Variants in HDAC9 observed in about 807,000 individuals in gnomAD.
HDAC9 encodes the protein MEF-2 interacting transcription repressor (MITR) protein.
Under a neutral mutation model 139.4 loss-of-function variants are expected in HDAC9, and 41 were observed. The ratio of observed to expected loss-of-function variants is 0.29; its 90% CI spans 0.23 to 0.38. HDAC9 has a LOEUF of 0.38. Ranked by LOEUF, HDAC9 falls within the 10% of genes least tolerant of loss-of-function variation. The pLI, the probability that HDAC9 is intolerant of heterozygous loss-of-function variation, is 1.00. For missense variants in HDAC9, 1,147 were observed against 1,297.0 expected, an observed-to-expected ratio of 0.88 and a Z score of 1.78; for synonymous variants, 517 against 476.2, an observed-to-expected ratio of 1.09 and a Z score of -1.12.
At chr7:18,433,212 C>A (rs1460949266) in intron 1 of HDAC9, among the ~76,000 whole-genome samples, 1 of 151,968 alleles carries the variant, frequency 6.6e-6, no homozygotes, top group Non-Finnish European at 1.5e-5. Flanking sequence ...TATTAAAATC[C>A]CTCAACAAAC....
At chr7:18,241,164 T>G (rs1423807425) in intron 2 of HDAC9, among the ~76,000 whole-genome samples, 13 of 152,216 alleles carry the variant, frequency 8.5e-5, no homozygotes. Context: ...TACTTTCACT[T>G]AAGTTACACT....
intron 6 of HDAC9, among the ~76,000 whole-genome samples, chr7:18,626,537 T>A (rs1302551014): frequency 6.6e-6 from 1 of 152,184 alleles, no homozygotes; most frequent in Non-Finnish European, 1.5e-5. Flanking sequence ...TCTATTTGAC[T>A]CCAGGCACAA....
At chr7:18,422,627 G>A (rs1789729359) in intron 1 of HDAC9, among the ~76,000 whole-genome samples, 1 of 152,016 alleles carries the variant, frequency 6.6e-6, no homozygotes, top group Admixed American at 6.6e-5. Context: ...AAAGAAAGCA[G>A]AAGTCTGGCA....
intron 1 of HDAC9, among the ~76,000 whole-genome samples, chr7:18,485,751 C>G (rs961700982): frequency 1.3e-5 from 2 of 151,898 alleles, no homozygotes; most frequent in Non-Finnish European, 2.9e-5. Flanking sequence ...GTTAATATCC[C>G]CATTTATAAC....
At chr7:18,966,477 C>A (rs1323423361) in intron 24 of HDAC9, among the ~76,000 whole-genome samples, 1 of 152,056 alleles carries the variant, frequency 6.6e-6, no homozygotes, top group East Asian at 1.9e-4. Flanking sequence ...CCGTGGCAGG[C>A]AGATCATGAG....
At chr7:18,313,031 G>C (rs1227042758) in intron 1 of HDAC9, among the ~76,000 whole-genome samples, 1 of 152,018 alleles carries the variant, frequency 6.6e-6, no homozygotes, top group Non-Finnish European at 1.5e-5. Context: ...TAGACATAAG[G>C]CACCTGTTTT....
intron 2 of HDAC9, among the ~76,000 whole-genome samples, chr7:18,503,617 AT>A (rs1268392558): frequency 2.0e-5 from 3 of 152,196 alleles, no homozygotes; most frequent in Admixed American, 6.5e-5. Flanking sequence ...ATACCCATTA[AT>A]TAAATCCAAT....
chr7:18,727,560 T>C lies in HDAC9; in HGVS notation c.1732-20T>C. The C allele has an allele frequency of 6.4e-7, 1 of 1,572,928 alleles. No individual in the cohort carries two copies. The highest frequency in any genetic ancestry group is 8.6e-7 in the Non-Finnish European group (1 of 1,159,826). ...CCTTGTCTCACATTTCTTTCTACTG[T>C]GCTCTTTTCTTGGCAACAGCCTTTC... is the stretch of plus-strand genomic sequence containing the variant. On this transcript the variant is annotated intron_variant, in intron 12 of 25. Coordinates refer to ENST00000686413, the MANE Select transcript of HDAC9 (RefSeq NM_178425.4).
chr7:18,882,767 A>G (rs1244616024), intron 22 of HDAC9, among the ~76,000 whole-genome samples: 1 of 152,108 alleles, frequency 6.6e-6, no homozygotes, highest in Non-Finnish European at 1.5e-5. Context: ...CAACAATTCT[A>G]AATATTCAGT....
At chr7:18,300,483 A>G (rs527928604) in intron 1 of HDAC9, among the ~76,000 whole-genome samples, 2 of 152,292 alleles carry the variant, frequency 1.3e-5, no homozygotes, top group South Asian at 2.1e-4. Context: ...ATAAGCCACT[A>G]AAAAATTTTG....
chr7:18,389,054 G>A (rs1786214807), intron 1 of HDAC9, among the ~76,000 whole-genome samples: 1 of 152,120 alleles, frequency 6.6e-6, no homozygotes, highest in Admixed American at 6.5e-5. Flanking sequence ...GTTTCACTAG[G>A]CAATTGGATT....
At chr7:18,186,130 G>A (rs1378883506) in intron 2 of HDAC9, among the ~76,000 whole-genome samples, 1 of 152,158 alleles carries the variant, frequency 6.6e-6, no homozygotes, top group Non-Finnish European at 1.5e-5. Context: ...GCCTAGCTAG[G>A]TTAACATGTC....
intron 2 of HDAC9, among the ~76,000 whole-genome samples, chr7:18,173,733 G>T (rs1464401984): frequency 6.6e-6 from 1 of 152,118 alleles, no homozygotes; most frequent in African/African-American, 2.4e-5. Flanking sequence ...GAAATTCTGG[G>T]TTGAAAATTC....
intron 13 of HDAC9, among the ~76,000 whole-genome samples, chr7:18,741,858 G>A (rs1787492682): frequency 1.3e-5 from 2 of 152,118 alleles, no homozygotes; most frequent in African/African-American, 4.8e-5. Context: ...TGACTTCGAG[G>A]GGGTCAATAC....
chr7:18,992,727 A>ATTATC (rs966395067), intron 25 of HDAC9, among the ~76,000 whole-genome samples: 29 of 152,126 alleles, frequency 1.9e-4, no homozygotes, highest in African/African-American at 6.0e-4. Flanking sequence ...ACTTTTGTAA[A>ATTATC]TTATCTTATG....
intron 2 of HDAC9, among the ~76,000 whole-genome samples, chr7:18,177,777 A>G (rs1053500795): frequency 1.3e-5 from 2 of 152,132 alleles, no homozygotes; most frequent in African/African-American, 4.8e-5. Context: ...AGCTGTATTT[A>G]TGGTTGCTCT....
At chr7:18,137,720 A>G (rs2128106982) in intron 1 of HDAC9, among the ~76,000 whole-genome samples, 1 of 152,168 alleles carries the variant, frequency 6.6e-6, no homozygotes, top group African/African-American at 2.4e-5. Flanking sequence ...TATTTTATTG[A>G]GAATTTTTGC....
At chr7:18,914,326 G>A (rs1236677865) in intron 22 of HDAC9, among the ~76,000 whole-genome samples, 2 of 151,614 alleles carry the variant, frequency 1.3e-5, no homozygotes, top group Non-Finnish European at 2.9e-5. Context: ...CCAGACAGAC[G>A]AAGGCATTCC....
intron 2 of HDAC9, among the ~76,000 whole-genome samples, chr7:18,216,961 C>T (rs780769076): frequency 4.0e-5 from 6 of 151,840 alleles, no homozygotes; most frequent in Non-Finnish European, 7.4e-5. Flanking sequence ...TTTTTAAAAC[C>T]GTATTGACTT....
Sources: allele counts gnomAD v4.1 joint callset (sites outside exome capture counted in the v4.1 genomes callset), GRCh38; gene constraint gnomAD v4.1.1; transcripts MANE v1.5; gene names NCBI Gene and HGNC (gene_info 2026-07-23, HGNC 2026-07-21).